SSBP2: variants seen among roughly 807,000 people sequenced by gnomAD.
SSBP2 encodes the protein single-stranded DNA-binding protein 2.
Under a neutral mutation model 61.8 loss-of-function variants are expected in SSBP2, and 17 were observed. The ratio of observed to expected loss-of-function variants is 0.28; its 90% confidence interval spans 0.19 to 0.41. The LOEUF (loss-of-function observed/expected upper bound fraction) is 0.41, where lower values mean the gene tolerates loss of function less well. Among genes scored for constraint, SSBP2 ranks in the 10% least tolerant of loss-of-function variants. SSBP2 has a pLI of 1.00. For synonymous variants in SSBP2, 139 were observed against 141.3 expected (o/e 0.98, Z 0.12); for missense variants, 310 against 458.7 (o/e 0.68, Z 2.96).
At chr5:81,574,311 G>A (rs555032443) in intron 4 of SSBP2, among the ~76,000 whole-genome samples, 16 of 151,958 alleles carry the variant, frequency 1.1e-4, no homozygotes, top group Non-Finnish European at 5.9e-5. Flanking sequence ...GGATTTAACA[G>A]GGTATTAGCC....
chr5:81,555,366 T>C (rs1440668597), intron 4 of SSBP2, among the ~76,000 whole-genome samples: 1 of 152,108 alleles, frequency 6.6e-6, no homozygotes, highest in Non-Finnish European at 1.5e-5. Flanking sequence ...TTGGTTGTTT[T>C]TTATGGAAAG....
At chr5:81,557,655 T>G (rs542948135) in intron 4 of SSBP2, among the ~76,000 whole-genome samples, 6 of 152,334 alleles carry the variant, frequency 3.9e-5, no homozygotes, top group East Asian at 1.9e-4. Context: ...TCCCATCCAG[T>G]GCATTTTTCC....
At chr5:81,435,310 C>T (rs1033599786) in intron 15 of SSBP2, among the ~76,000 whole-genome samples, 2 of 152,140 alleles carry the variant, frequency 1.3e-5, no homozygotes, top group African/African-American at 2.4e-5. Context: ...AGCATAATGC[C>T]TCAGTAGGCG....
At position 81,615,529 on chromosome 5, in the gene SSBP2, G is replaced by A; in HGVS notation, c.226C>T (p.Pro76Ser). ...TGTTCACATGTTTCACGTCTCTCTG[G>A]AGCTGCACAGTAGAGATCCCAAAAT... Residue 76 changes from proline to serine, a missense_variant, in exon 4 of 17, where the codon CCA becomes TCA. Around this residue, in one of 4 missense-constraint regions of SSBP2, gnomAD observed 209 missense variants for 286.4 expected, o/e 0.73. Coordinates refer to ENST00000320672, the MANE Select transcript of SSBP2 (RefSeq NM_012446.5). 1.2e-6 allele frequency: 2 copies of A among 1,613,554 alleles called. No homozygotes were observed. Among genetic ancestry groups the A allele is most frequent in the South Asian group, 1.1e-5 (1 of 91,042 alleles).
intron 4 of SSBP2, 82 bp downstream of exon 4, chr5:81,615,391 A>G: frequency 1.0e-6 from 1 of 992,334 alleles, no homozygotes; most frequent in Non-Finnish European, 1.6e-6. Context: ...ACAAAAGAAT[A>G]GATGAGCCAG....
At chr5:81,732,189 T>C (rs1409940781) in intron 1 of SSBP2, among the ~76,000 whole-genome samples, 2 of 152,200 alleles carry the variant, frequency 1.3e-5, no homozygotes, top group African/African-American at 4.8e-5. Context: ...TTAAACCATC[T>C]GTTTCTTCAT....
intron 1 of SSBP2, among the ~76,000 whole-genome samples, chr5:81,728,543 T>G (rs1756042515): frequency 6.6e-6 from 1 of 152,230 alleles, no homozygotes; most frequent in Non-Finnish European, 1.5e-5. Flanking sequence ...AGCCACTTAA[T>G]GCCTTGACTC....
chr5:81,480,941 T>A (rs553973458), intron 6 of SSBP2, among the ~76,000 whole-genome samples: 16 of 152,302 alleles, frequency 1.1e-4, no homozygotes, highest in Admixed American at 9.2e-4. Flanking sequence ...CAGGAAAGAG[T>A]AGATTTCATA....
intron 4 of SSBP2, 143 bp downstream of exon 4, chr5:81,615,330 T>C (rs1160118106): frequency 5.8e-6 from 4 of 684,388 alleles, no homozygotes; most frequent in Non-Finnish European, 1.0e-5. Flanking sequence ...TTTAAAGTTA[T>C]GAACCTACTT....
intron 1 of SSBP2, among the ~76,000 whole-genome samples, chr5:81,702,363 C>A (rs1422334598): frequency 6.6e-6 from 1 of 151,746 alleles, no homozygotes; most frequent in Non-Finnish European, 1.5e-5. Context: ...GAGCGAGACT[C>A]CCATCTCAAA....
intron 1 of SSBP2, among the ~76,000 whole-genome samples, chr5:81,664,576 G>T (rs1046569883): frequency 3.9e-5 from 6 of 152,128 alleles, no homozygotes; most frequent in African/African-American, 9.7e-5. Context: ...AAGGAAAAAA[G>T]TTTTAAGATC....
chr5:81,739,162 T>C (rs938928833), intron 1 of SSBP2, among the ~76,000 whole-genome samples: 1 of 44,848 alleles, frequency 2.2e-5, no homozygotes, highest in Non-Finnish European at 3.5e-5. Flanking sequence ...AGACTCCATC[T>C]CCAAAAAAAA....
chr5:81,555,829 C>G (rs1772552126), intron 4 of SSBP2, among the ~76,000 whole-genome samples: 1 of 152,062 alleles, frequency 6.6e-6, no homozygotes, highest in Non-Finnish European at 1.5e-5. Flanking sequence ...TTCTCTGAGT[C>G]TCCACATTTT....
intron 4 of SSBP2, among the ~76,000 whole-genome samples, chr5:81,589,581 A>T (rs1336733395): frequency 6.6e-6 from 1 of 152,148 alleles, no homozygotes; most frequent in Non-Finnish European, 1.5e-5. Context: ...AAGATGAGTG[A>T]AGATCTTAAA....
intron 2 of SSBP2, among the ~76,000 whole-genome samples, chr5:81,641,962 T>C (rs1266637817): frequency 6.6e-6 from 1 of 152,178 alleles, no homozygotes; most frequent in African/African-American, 2.4e-5. Context: ...TATGTGTGCT[T>C]GTAGGTGTGT....
At chr5:81,587,426 C>T (rs775453956) in intron 4 of SSBP2, among the ~76,000 whole-genome samples, 7 of 151,998 alleles carry the variant, frequency 4.6e-5, no homozygotes, top group East Asian at 1.9e-4. Context: ...AGTGTGTACA[C>T]GTGGGGAAAA....
rs554205639 is a variant in SSBP2, at chr5:81,415,956, C to T, written c.*4548G>A. The T allele has an allele frequency of 7.4e-6, 1 of 135,682 alleles. No homozygotes were observed. Among genetic ancestry groups the T allele is most frequent in the East Asian group, 2.0e-4 (1 of 4,912 alleles). 8.4% of individuals were successfully genotyped at this position (135,682 alleles called of 1,614,324 possible). A position where few individuals can be genotyped will look rare whatever the true frequency, so the allele number is the denominator to read the frequency against. On this transcript the variant is annotated 3_prime_UTR_variant, in exon 17 of 17. Coordinates refer to ENST00000320672, the MANE Select transcript of SSBP2 (RefSeq NM_012446.5). ...AGGAAAACCTGATCAAGCATAGTGGCTCATGCCTGTAATCCCAGCACTTTG... is the reference window on the plus strand; with the variant it reads ...AGGAAAACCTGATCAAGCATAGTGGTTCATGCCTGTAATCCCAGCACTTTG...
intron 6 of SSBP2, among the ~76,000 whole-genome samples, chr5:81,478,958 A>G (rs1457501209): frequency 6.6e-6 from 1 of 152,254 alleles, no homozygotes. Context: ...GTTTCTGTTC[A>G]TCACTTAAAA....
chr5:81,461,071 G>T lies in SSBP2; in HGVS notation c.671C>A (p.Pro224Gln). The T allele has an allele frequency of 6.3e-7, 1 of 1,576,666 alleles. No homozygotes were observed. The highest frequency in any genetic ancestry group is 2.3e-5 in the East Asian group (1 of 43,694). The change falls in exon 10 of 17, where the codon CCA (proline) becomes CAA (glutamine). Residue 224 changes from proline (P) to glutamine (Q), a missense_variant. By Grantham distance (76) the Pro-to-Gln change is moderately conservative. Coordinates refer to ENST00000320672, the MANE Select transcript of SSBP2 (RefSeq NM_012446.5). The stretch of plus-strand genomic sequence containing the variant: ...TATACTCACTGAATTGGCATTTGTT[G>T]GGTTTGGCCAAGGTCTACCACCACC...
Sources: allele counts gnomAD v4.1 joint callset (sites outside exome capture counted in the v4.1 genomes callset), GRCh38; gene constraint gnomAD v4.1.1; regional missense constraint gnomAD v4.1.1; transcripts MANE v1.5; gene names NCBI Gene and HGNC (gene_info 2026-07-23, HGNC 2026-07-21).